CCDC126: variants seen among roughly 807,000 people sequenced by gnomAD.
The protein encoded by CCDC126 is coiled-coil domain containing 126, also known as coiled-coil domain-containing protein 126.
In CCDC126, 5 loss-of-function variants were observed where a neutral mutation model predicts 11.7. The ratio of observed to expected loss-of-function variants is 0.43; its 90% CI spans 0.22 to 0.90. CCDC126 has a LOEUF of 0.90. Among genes scored for constraint, CCDC126 ranks in the 40% least tolerant of loss-of-function variants. The pLI, the probability that CCDC126 is intolerant of heterozygous loss-of-function variation, is 0.27. For synonymous variants in CCDC126, 60 were observed against 61.9 expected, an observed-to-expected ratio of 0.97 and a Z score of 0.14; for missense variants, 150 against 163.1, an observed-to-expected ratio of 0.92 and a Z score of 0.44.
At chr7:23,622,014 TTCA>T (rs1782912882) in intron 3 of CCDC126, among the ~76,000 whole-genome samples, 1 of 152,208 alleles carries the variant, frequency 6.6e-6, no homozygotes, top group Admixed American at 6.5e-5. Flanking sequence ...TGCATTGTTG[TTCA>T]TCAGGGATAT....
In CCDC126 at chr7:23,611,262, G is replaced by T; in HGVS notation, c.-54G>T. The stretch of plus-strand genomic sequence containing the variant: ...TTTTTTTTTCAAGTCTTGATTTGTG[G>T]CTTACCTCAAGTTACCATTTTTCAG... On this transcript the variant is annotated 5_prime_UTR_variant, in exon 3 of 4. Coordinates refer to ENST00000307471, the MANE Select transcript of CCDC126 (RefSeq NM_138771.4). 3 of 1,056,300 alleles carry T rather than the reference G, an allele frequency of 2.8e-6. No homozygotes were observed. Among genetic ancestry groups the T allele is most frequent in the Admixed American group, 1.9e-5 (1 of 52,478 alleles). The allele number at this position is 1,056,300 out of a possible 1,614,324, so 65.4% of individuals were successfully genotyped here. A position where few individuals can be genotyped will look rare whatever the true frequency, so the allele number is the denominator to read the frequency against.
intron 2 of CCDC126, among the ~76,000 whole-genome samples, chr7:23,608,144 G>C (rs755783359): frequency 6.6e-6 from 1 of 152,216 alleles, no homozygotes; most frequent in Non-Finnish European, 1.5e-5. Context: ...ATGATTCCAG[G>C]GTGGAGTTTT....
intron 3 of CCDC126, among the ~76,000 whole-genome samples, chr7:23,624,743 G>T (rs796832428): frequency 2.6e-5 from 4 of 152,318 alleles, no homozygotes; most frequent in African/African-American, 9.6e-5. Context: ...TACTGTACAT[G>T]TTGGTTTTGC....
At chr7:23,601,803 C>A (rs1381591758) in intron 2 of CCDC126, 1 of 152,136 alleles carries the variant, frequency 6.6e-6, no homozygotes. Flanking sequence ...CCTGCCTCAC[C>A]CTCCAGAGTA....
intron 3 of CCDC126, among the ~76,000 whole-genome samples, chr7:23,619,830 T>C (rs1197147633): frequency 2.0e-5 from 3 of 148,962 alleles, no homozygotes; most frequent in Non-Finnish European, 4.4e-5. Context: ...GAACATGCGG[T>C]GTTTGGTTTT....
At chr7:23,620,655 T>C (rs1012639843) in intron 3 of CCDC126, among the ~76,000 whole-genome samples, 4 of 152,150 alleles carry the variant, frequency 2.6e-5, no homozygotes, top group East Asian at 3.8e-4. Flanking sequence ...TCCTTGCCCA[T>C]GCCTATGTCC....
At chr7:23,613,798 G>T (rs1476790414) in intron 3 of CCDC126, among the ~76,000 whole-genome samples, 2 of 152,180 alleles carry the variant, frequency 1.3e-5, no homozygotes, top group African/African-American at 4.8e-5. Flanking sequence ...GTCACAATAA[G>T]CAAGTCACAC....
intron 3 of CCDC126, among the ~76,000 whole-genome samples, chr7:23,614,548 A>G (rs1455692210): frequency 6.6e-6 from 1 of 152,198 alleles, no homozygotes; most frequent in African/African-American, 2.4e-5. Context: ...TATTAATGGC[A>G]TCTAGAATAG....
At position 23,616,056 on chromosome 7, in the gene CCDC126, A is replaced by T. The variant is rs144133126; in HGVS notation, c.238+4503A>T. ...AATATCTGTAAAGTGAAGTGCAATA[A>T]AACAATGTATTCCTCTATTACATTA... On this transcript the variant is annotated intron_variant, in intron 3 of 3. Transcript: ENST00000307471. Among the ~76,000 whole-genome samples the T allele has an allele frequency of 3.5e-3, 531 of 152,342 alleles. 7 individuals are homozygous for T. The highest frequency in any genetic ancestry group is 0.012 in the African/African-American group (498 of 41,580).
chr7:23,634,450 C>G (rs1783171698), intron 3 of CCDC126, among the ~76,000 whole-genome samples: 1 of 152,126 alleles, frequency 6.6e-6, no homozygotes, highest in Non-Finnish European at 1.5e-5. Flanking sequence ...GCAAGTAGAG[C>G]AAGACCATGT....
Position 23,600,027 on chromosome 7 carries a change from C to T in CCDC126, c.-146+1976C>T, listed in dbSNP as rs569677667. 9.9e-5 allele frequency among the ~76,000 whole-genome samples: 15 copies of T among 152,274 alleles called. No homozygotes were observed. In the South Asian group the frequency reaches 2.5e-3, roughly 25 times the overall value. On this transcript the variant is annotated intron_variant, in intron 2 of 3. Transcript: ENST00000307471. The stretch of plus-strand genomic sequence containing the variant: ...CTTGAATGCCTGACCTCAAGTGATC[C>T]GCCCTCTTCAGCCTCCCAAGGTGCT...
intron 2 of CCDC126, chr7:23,604,368 A>G (rs1584192837): frequency 6.6e-6 from 1 of 152,312 alleles, no homozygotes; most frequent in African/African-American, 2.4e-5. Flanking sequence ...GACTGGCTGG[A>G]TTGGAGGAGA....
Position 23,611,408 on chromosome 7 carries a change from C to T in CCDC126, c.93C>T (p.His31=), listed in dbSNP as rs866686971. Residue 31 remains histidine, a synonymous_variant, in exon 3 of 4, where the codon CAC becomes CAT. Coordinates refer to ENST00000307471, the MANE Select transcript of CCDC126 (RefSeq NM_138771.4). ...TCATTTGGGGATTGATGTTACTGCA[C>T]TATACTTTTCAACAACCAAGACATC... ...FGLIWGLMLL[H]YTFQQPRHQS... 1 of 1,613,708 alleles carries T rather than the reference C, an allele frequency of 6.2e-7. No individual in the cohort carries two copies. The highest frequency in any genetic ancestry group is 8.5e-7 in the Non-Finnish European group (1 of 1,179,748).
chr7:23,630,683 C>T (rs1783093999), intron 3 of CCDC126, among the ~76,000 whole-genome samples: 1 of 125,052 alleles, frequency 8.0e-6, no homozygotes, highest in Non-Finnish European at 1.6e-5. Context: ...CATGCTGCTG[C>T]ACTCTAGCCT....
intron 3 of CCDC126, among the ~76,000 whole-genome samples, chr7:23,631,091 G>T (rs1361479752): frequency 6.6e-6 from 1 of 151,960 alleles, no homozygotes; most frequent in East Asian, 1.9e-4. Context: ...AGCTATTAGA[G>T]AACCTAGAAA....
intron 3 of CCDC126, among the ~76,000 whole-genome samples, chr7:23,638,199 C>G (rs903509530): frequency 6.6e-6 from 1 of 151,858 alleles, no homozygotes; most frequent in Non-Finnish European, 1.5e-5. Context: ...CCGGCCACGA[C>G]CCCGTCTGGG....
chr7:23,608,690 G>T (rs1782657995), intron 2 of CCDC126, among the ~76,000 whole-genome samples: 1 of 152,146 alleles, frequency 6.6e-6, no homozygotes, highest in Non-Finnish European at 1.5e-5. Context: ...TGCCCATCCT[G>T]TTAGAACTGC....
chr7:23,629,909 CA>C (rs1783078987), intron 3 of CCDC126, among the ~76,000 whole-genome samples: 1 of 152,130 alleles, frequency 6.6e-6, no homozygotes, highest in East Asian at 1.9e-4. Flanking sequence ...GCTGGAAAAG[CA>C]ATTGAAGAAA....
intron 2 of CCDC126, among the ~76,000 whole-genome samples, chr7:23,608,779 A>G (rs1161897964): frequency 6.6e-6 from 1 of 152,170 alleles, no homozygotes. Context: ...TGCAATAGAG[A>G]AAGAGTTTAA....
Sources: allele counts gnomAD v4.1 joint callset (sites outside exome capture counted in the v4.1 genomes callset), GRCh38; gene constraint gnomAD v4.1.1; transcripts MANE v1.5; gene names NCBI Gene and HGNC (gene_info 2026-07-23, HGNC 2026-07-21).